TDO2: variants seen among roughly 807,000 people sequenced by gnomAD.
TDO2 encodes the protein tryptamin 2,3-dioxygenase.
In TDO2, 63 loss-of-function variants were observed where a neutral mutation model predicts 61.2. The ratio of observed to expected loss-of-function variants is 1.03; its 90% CI spans 0.84 to 1.27. The LOEUF (loss-of-function observed/expected upper bound fraction) is 1.27. Ranked by LOEUF, TDO2 falls within the 50% of genes most tolerant of loss-of-function variation. The probability of loss-of-function intolerance (pLI) is 0.00; values close to 1 mark genes in which losing one functional copy is unlikely to be tolerated. For synonymous variants in TDO2, 183 were observed against 164.0 expected (o/e 1.12, Z -0.89); for missense variants, 494 against 469.5 (o/e 1.05, Z -0.48).
In TDO2 at chr4:155,919,938, A is replaced by T. The variant is rs1203115196; in HGVS notation, c.1169A>T (p.Tyr390Phe). Reference sequence around the variant, plus strand: ...AACCCAACCATTCACAAATTTCTATATACAGCAGAATACTGTGATAGCTCC... The same window carrying T: ...AACCCAACCATTCACAAATTTCTATTTACAGCAGAATACTGTGATAGCTCC... The part of the protein sequence containing the change: ...KMNPTIHKFL[Y>F]TAEYCDSSYF... The change falls in exon 12 of 12, where the codon TAT becomes TTT. Residue 390 changes from tyrosine (Y) to phenylalanine (F), a missense_variant. Tyr to Phe is a conservative substitution (Grantham distance 22). Coordinates refer to ENST00000536354, the MANE Select transcript of TDO2 (RefSeq NM_005651.4). The T allele has an allele frequency of 3.1e-6, 5 of 1,613,586 alleles. No individual in the cohort carries two copies. In the African/African-American group the frequency reaches 6.7e-5, roughly 22 times the overall value.
chr4:155,904,553 A>G (rs1245346238), intron 2 of TDO2, among the ~76,000 whole-genome samples: 2 of 152,202 alleles, frequency 1.3e-5, no homozygotes, highest in African/African-American at 4.8e-5. Flanking sequence ...AATCATTAAC[A>G]TATAAAGAGG....
chr4:155,911,527 C>T lies in TDO2; in HGVS notation c.649C>T (p.Pro217Ser). ...AWLERTPGLEPHGFNFWGKLE... is the reference protein window; with the variant it reads ...AWLERTPGLESHGFNFWGKLE... ...GCTGGAAAGAACTCCAGGTTTAGAG[C>T]CACATGGATTTAACTTCTGGGGAAA... is the stretch of plus-strand genomic sequence containing the variant. Residue 217 changes from proline (P) to serine (S), a missense_variant, in exon 7 of 12, where the codon CCA (proline) becomes TCA (serine). Transcript: ENST00000536354. 3.1e-6 allele frequency: 5 copies of T among 1,589,800 alleles called. No individual in the cohort carries two copies. The highest frequency in any genetic ancestry group is 2.3e-5 in the East Asian group (1 of 42,690).
intron 3 of TDO2, chr4:155,905,877 C>G (rs944446008): frequency 6.6e-6 from 1 of 152,054 alleles, no homozygotes; most frequent in Non-Finnish European, 1.5e-5. Context: ...CAAATGGATG[C>G]TTTCCAATGT....
intron 8 of TDO2, 100 bp from the exon 9 acceptor site, chr4:155,915,755 A>G: frequency 1.1e-6 from 1 of 886,624 alleles, no homozygotes; most frequent in Non-Finnish European, 1.7e-6. Flanking sequence ...TGATTTCTAA[A>G]CACATGTAAT....
In TDO2 at chr4:155,915,931, G is replaced by C. The variant is rs373173702; in HGVS notation, c.896+19G>C. ...TTTACAGGTAAAGCAAATCCGAAGA[G>C]AGACTGAAGTTAAAATTGAGGGGTG... On this transcript the variant is annotated intron_variant, in intron 9 of 11. Coordinates refer to ENST00000536354, the MANE Select transcript of TDO2 (RefSeq NM_005651.4). The C allele has an allele frequency of 8.8e-6, 14 of 1,599,346 alleles. No homozygotes were observed. Among genetic ancestry groups the C allele is most frequent in the East Asian group, 6.8e-5 (3 of 44,040 alleles).
In TDO2 at chr4:155,903,738, C is replaced by T; in HGVS notation, c.-21C>T. ...TGCCTAGAGTCAAACCTCCGTGCTT[C>T]TCAGACAGTGCCTTTTCACCATGAG... On this transcript the variant is annotated 5_prime_UTR_variant, in exon 1 of 12. Transcript: ENST00000536354. 1 of 1,614,150 alleles carries T rather than the reference C, an allele frequency of 6.2e-7. No homozygotes were observed. The highest frequency in any genetic ancestry group is 8.5e-7 in the Non-Finnish European group (1 of 1,180,004).
intron 8 of TDO2, 99 bp from the exon 9 acceptor site, chr4:155,915,756 C>A: frequency 1.1e-6 from 1 of 890,206 alleles, no homozygotes; most frequent in Non-Finnish European, 1.7e-6. Context: ...GATTTCTAAA[C>A]ACATGTAATC....
rs1286676206 is a variant in TDO2 at position 155,919,825 on chromosome 4, A to G, written c.1068-12A>G. 1 of 1,589,472 alleles carries G rather than the reference A, an allele frequency of 6.3e-7. No individual in the cohort carries two copies. Among genetic ancestry groups the G allele is most frequent in the East Asian group, 2.2e-5 (1 of 44,474 alleles). On this transcript the variant is annotated splice_polypyrimidine_tract_variant and intron_variant, in intron 11 of 11. Transcript: ENST00000536354. ...CAACCAATGTAACACATCTTCATGTATGTTTTTCCAGTGATAGGTACAAGG... is the reference window on the plus strand; with the variant it reads ...CAACCAATGTAACACATCTTCATGTGTGTTTTTCCAGTGATAGGTACAAGG...
At chr4:155,916,789 A>G (rs912835288) in intron 9 of TDO2, among the ~76,000 whole-genome samples, 4 of 152,208 alleles carry the variant, frequency 2.6e-5, no homozygotes, top group African/African-American at 9.6e-5. Flanking sequence ...ACAGGCCGTC[A>G]TGCTTCTGTG....
chr4:155,909,800 T>C (rs1742783641), intron 5 of TDO2, among the ~76,000 whole-genome samples: 1 of 150,702 alleles, frequency 6.6e-6, no homozygotes, highest in African/African-American at 2.4e-5. Context: ...GAAACCATTA[T>C]GGTGGTTGAT....
At chr4:155,904,974 G>T in intron 2 of TDO2, 93 bp from the exon 3 acceptor site, 1 of 765,610 alleles carries the variant, frequency 1.3e-6, no homozygotes, top group East Asian at 3.0e-5. Flanking sequence ...GAGTTTGGAG[G>T]AGCATTTGTC....
intron 9 of TDO2, among the ~76,000 whole-genome samples, chr4:155,916,393 C>T (rs1317874283): frequency 1.3e-4 from 1 of 7,560 alleles, no homozygotes; most frequent in Admixed American, 2.1e-3. Context: ...TGGTCTCGAT[C>T]TCCTGACCTC....
At chr4:155,908,626 TG>T (rs879587706) in intron 4 of TDO2, among the ~76,000 whole-genome samples, 8 of 152,138 alleles carry the variant, frequency 5.3e-5, no homozygotes, top group Non-Finnish European at 1.2e-4. Context: ...TTGAAATCAG[TG>T]GGGGGTTGTA....
chr4:155,904,221 G>C, intron 2 of TDO2, 98 bp downstream of exon 2: 1 of 834,518 alleles, frequency 1.2e-6, no homozygotes, highest in Non-Finnish European at 1.9e-6. Context: ...ATTAGGGAAA[G>C]TCACCAATCG....
chr4:155,912,411 T>C (rs1742851524), intron 7 of TDO2, among the ~76,000 whole-genome samples: 1 of 152,190 alleles, frequency 6.6e-6, no homozygotes, highest in Admixed American at 6.5e-5. Context: ...ATCATTCTCA[T>C]GTGGCCTTCA....
At position 155,909,944 on chromosome 4, in the gene TDO2, C is replaced by T. The variant is rs529879566; in HGVS notation, c.432-81C>T. 623 of 92,502 alleles carry T rather than the reference C, an allele frequency of 6.7e-3. 27 individuals are homozygous for T. The highest frequency in any genetic ancestry group is 0.039 in the Admixed American group (305 of 7,842). 5.7% of individuals were successfully genotyped at this position (92,502 alleles called of 1,614,324 possible). On this transcript the variant is annotated intron_variant, in intron 5 of 11. Coordinates refer to ENST00000536354, the MANE Select transcript of TDO2 (RefSeq NM_005651.4). Reference sequence around the variant, plus strand: ...TCCCCTCTCCCCTCCCCTCTCCCCTCCCCCCCCTTTCTCTTCTCTGCTCTT... The same window carrying T: ...TCCCCTCTCCCCTCCCCTCTCCCCTTCCCCCCCTTTCTCTTCTCTGCTCTT...
intron 8 of TDO2, 95 bp from the exon 9 acceptor site, chr4:155,915,758 CAT>C: frequency 1.1e-6 from 1 of 940,320 alleles, no homozygotes; most frequent in Non-Finnish European, 1.6e-6. Flanking sequence ...TTTCTAAACA[CAT>C]GTAATCCATT....
chr4:155,913,590 T>C (rs1011792359), intron 7 of TDO2, among the ~76,000 whole-genome samples: 1 of 152,150 alleles, frequency 6.6e-6, no homozygotes, highest in Non-Finnish European at 1.5e-5. Context: ...ATAATTCCTG[T>C]ATAATATCAC....
chr4:155,903,888 T>A lies in TDO2; in HGVS notation c.35+95T>A, dbSNP rs1029533915. ...TGAATTTAAGGAGCATTGAAAACTGTCACCTTTATTCCTTTGTCTAACAAT... is the reference window on the plus strand; with the variant it reads ...TGAATTTAAGGAGCATTGAAAACTGACACCTTTATTCCTTTGTCTAACAAT... On this transcript the variant is annotated intron_variant, in intron 1 of 11. Transcript: ENST00000536354. 9 of 1,534,346 alleles carry A rather than the reference T, an allele frequency of 5.9e-6. No individual in the cohort carries two copies. The African/African-American group carries it at 1.2e-4, about 21-fold the overall frequency.
Sources: gnomAD v4.1 joint callset for allele counts (sites outside exome capture counted in the v4.1 genomes callset) on GRCh38, gnomAD v4.1.1 for gene constraint, MANE v1.5 for transcripts, NCBI Gene and HGNC (gene_info 2026-07-23, HGNC 2026-07-21) for gene names.